Variants in CAMTA1 observed in about 807,000 individuals in gnomAD.
The protein encoded by CAMTA1 is calmodulin-binding transcription activator 1.
CAMTA1 carries 27 observed loss-of-function variants against 170.9 expected under a neutral mutation model. The ratio of observed to expected loss-of-function variants is 0.16; its 90% CI spans 0.12 to 0.22. The LOEUF (loss-of-function observed/expected upper bound fraction) is 0.22, where lower values mean the gene tolerates loss of function less well. Among genes scored for constraint, CAMTA1 ranks in the 10% least tolerant of loss-of-function variants. CAMTA1 has a pLI of 1.00. For missense variants in CAMTA1, 1,619 were observed against 2,217.2 expected (o/e 0.73, Z 5.42); for synonymous variants, 833 against 891.5 (o/e 0.93, Z 1.17).
At chr1:7,309,579 G>A (rs548155173) in intron 5 of CAMTA1, among the ~76,000 whole-genome samples, 5 of 152,176 alleles carry the variant, frequency 3.3e-5, no homozygotes, top group South Asian at 2.1e-4. Flanking sequence ...GATTACAGGC[G>A]TGAGCCGCCG....
chr1:6,834,154 AT>A (rs60264977), intron 3 of CAMTA1, among the ~76,000 whole-genome samples: 4,234 of 136,484 alleles, frequency 0.031, 149 homozygotes, highest in African/African-American at 0.09. Flanking sequence ...TATTTGATTA[AT>A]TTTTTTTTTT....
At chr1:7,015,880 A>C (rs1700458071) in intron 3 of CAMTA1, among the ~76,000 whole-genome samples, 1 of 152,180 alleles carries the variant, frequency 6.6e-6, no homozygotes. Context: ...GGAAGCAGGC[A>C]TGTCCTGCAT....
At chr1:7,714,770 C>A (rs927488344) in intron 11 of CAMTA1, among the ~76,000 whole-genome samples, 4 of 152,170 alleles carry the variant, frequency 2.6e-5, no homozygotes, top group Non-Finnish European at 5.9e-5. Context: ...GATCTTCCCG[C>A]CTCGGCCTCC....
At chr1:7,594,555 G>A (rs1288021334) in intron 6 of CAMTA1, among the ~76,000 whole-genome samples, 1 of 152,214 alleles carries the variant, frequency 6.6e-6, no homozygotes, top group Non-Finnish European at 1.5e-5. Flanking sequence ...GGGCAACATG[G>A]TTGTTTGCAA....
At position 7,685,841 on chromosome 1, in the gene CAMTA1, G is replaced by A. The variant is rs373120071; in HGVS notation, c.2914+8108G>A. 1.5e-4 allele frequency among the ~76,000 whole-genome samples: 23 copies of A among 152,266 alleles called. No individual in the cohort carries two copies. Among genetic ancestry groups the A allele is most frequent in the South Asian group, 4.2e-4 (2 of 4,818 alleles). The stretch of plus-strand genomic sequence containing the variant: ...TAGGTCCCAGACAGGACAAATGGCC[G>A]TTCTTTCTGTTTTCCCCAACCTACC... On this transcript the variant is annotated intron_variant, in intron 11 of 22. Coordinates refer to ENST00000303635, the MANE Select transcript of CAMTA1 (RefSeq NM_015215.4). The surrounding 1 kb of genome is among the most constrained non-coding windows in gnomAD (Gnocchi z 5.7).
chr1:6,855,450 G>A lies in CAMTA1; in HGVS notation c.234+30240G>A, dbSNP rs544646034. On this transcript the variant is annotated intron_variant, in intron 3 of 22. Transcript: ENST00000303635. ...AGGGGAAGCAGGCTTGTCTTACATC[G>A]CCAGAGCAGGAGCAAGAGAGAGAGA... Among the ~76,000 whole-genome samples, 9 of 151,728 alleles carry A rather than the reference G, an allele frequency of 5.9e-5. No individual in the cohort carries two copies. The East Asian group carries it at 1.4e-3, about 23-fold the overall frequency.
intron 4 of CAMTA1, chr1:7,219,502 G>T (rs1217752988): frequency 6.9e-6 from 1 of 145,834 alleles, no homozygotes; most frequent in Non-Finnish European, 1.5e-5. Flanking sequence ...GGTAGTGGGG[G>T]ACTGTGTCTG....
Position 7,570,409 on chromosome 1 carries a change from G to C in CAMTA1, c.511-69991G>C. Among the ~76,000 whole-genome samples, 1 of 152,250 alleles carries C rather than the reference G, an allele frequency of 6.6e-6. No individual in the cohort carries two copies. Among genetic ancestry groups the C allele is most frequent in the Non-Finnish European group, 1.5e-5 (1 of 68,042 alleles). On this transcript the variant is annotated intron_variant, in intron 6 of 22. Coordinates refer to ENST00000303635, the MANE Select transcript of CAMTA1 (RefSeq NM_015215.4). The surrounding 1 kb of genome is among the most constrained non-coding windows in gnomAD (Gnocchi z 4.3). ...GGAAGGGTGGAGGGAGGAAGCACGG[G>C]GAGGAGGAAGCCAGGGGCAAACCCG...
intron 3 of CAMTA1, among the ~76,000 whole-genome samples, chr1:6,941,870 T>C (rs1348985035): frequency 6.6e-6 from 1 of 152,158 alleles, no homozygotes; most frequent in Non-Finnish European, 1.5e-5. Context: ...AGGGCTCTTT[T>C]CCATGACTGC....
In CAMTA1 at chr1:7,604,852, G is replaced by A. The variant is rs184385866; in HGVS notation, c.511-35548G>A. ...TTTGATCATGGTGACGTACAGATGGGGTTTTGGTGTGGATGTCGTTTCTGT... is the reference window on the plus strand; with the variant it reads ...TTTGATCATGGTGACGTACAGATGGAGTTTTGGTGTGGATGTCGTTTCTGT... On this transcript the variant is annotated intron_variant, in intron 6 of 22. Transcript: ENST00000303635. Among the ~76,000 whole-genome samples the A allele has an allele frequency of 1.2e-4, 19 of 152,180 alleles. No homozygotes were observed. The East Asian group carries it at 3.5e-3, about 28-fold the overall frequency.
At chr1:7,607,796 C>T (rs2095497680) in intron 6 of CAMTA1, among the ~76,000 whole-genome samples, 1 of 152,184 alleles carries the variant, frequency 6.6e-6, no homozygotes, top group East Asian at 1.9e-4. Context: ...GTCGTATCTT[C>T]TGTGGATCCA....
intron 5 of CAMTA1, among the ~76,000 whole-genome samples, chr1:7,450,461 TG>T (rs982748017): frequency 2.6e-4 from 40 of 152,268 alleles, no homozygotes; most frequent in African/African-American, 9.1e-4. Flanking sequence ...CCACCTCTGC[TG>T]GAGGGGAGGG....
intron 6 of CAMTA1, among the ~76,000 whole-genome samples, chr1:7,577,057 C>T (rs1175741376): frequency 1.3e-5 from 2 of 152,222 alleles, no homozygotes; most frequent in African/African-American, 4.8e-5. Flanking sequence ...GAGAGTCAAA[C>T]CCAAGGGACT....
At position 7,173,351 on chromosome 1, in the gene CAMTA1, C is replaced by T. The variant is rs74051172; in HGVS notation, c.303-76140C>T. Among the ~76,000 whole-genome samples, 1,323 of 152,224 alleles carry T rather than the reference C, an allele frequency of 8.7e-3. 17 individuals carry two copies. The highest frequency in any genetic ancestry group is 0.031 in the African/African-American group (1,284 of 41,522). On this transcript the variant is annotated intron_variant, in intron 4 of 22. Coordinates refer to ENST00000303635, the MANE Select transcript of CAMTA1 (RefSeq NM_015215.4). The surrounding 1 kb of genome is among the most constrained non-coding windows in gnomAD (Gnocchi z 5.4). ...GACTGAGGCTCCACGAACGCTGGCT[C>T]CCTTCTTAAATTTTTGTGGAACTGT...
intron 6 of CAMTA1, among the ~76,000 whole-genome samples, chr1:7,515,195 C>G (rs1467451747): frequency 6.6e-6 from 1 of 152,142 alleles, no homozygotes; most frequent in African/African-American, 2.4e-5. Context: ...GCTGGTCCTC[C>G]CCGGCTGCCT....
At chr1:7,502,722 A>G (rs2094027777) in intron 6 of CAMTA1, among the ~76,000 whole-genome samples, 4 of 152,154 alleles carry the variant, frequency 2.6e-5, no homozygotes, top group African/African-American at 9.7e-5. Context: ...TGAGCACTGG[A>G]GGGGGATTCA....
rs1201658896 is a variant in CAMTA1, at chr1:7,426,439, G to T, written c.439-41391G>T. Among the ~76,000 whole-genome samples, 5 of 152,294 alleles carry T rather than the reference G, an allele frequency of 3.3e-5. No individual in the cohort carries two copies. Among genetic ancestry groups the T allele is most frequent in the East Asian group, 3.9e-4 (2 of 5,176 alleles). On this transcript the variant is annotated intron_variant, in intron 5 of 22. Transcript: ENST00000303635. This position sits in a 1 kb window ranked among gnomAD's most constrained non-coding sequence, Gnocchi z 4.8. ...TGCCTACCTGGGTTTCCAACTTGCA[G>T]CCCATTATCTATTAATACTAAATAA...
intron 6 of CAMTA1, among the ~76,000 whole-genome samples, chr1:7,549,214 A>G (rs58763866): frequency 0.035 from 4,927 of 142,554 alleles, 256 homozygotes; most frequent in African/African-American, 0.12. Context: ...GTGCCCCCTT[A>G]GGGGTGGAGG....
At chr1:7,317,401 T>C (rs1396541214) in intron 5 of CAMTA1, among the ~76,000 whole-genome samples, 2 of 152,246 alleles carry the variant, frequency 1.3e-5, no homozygotes, top group Non-Finnish European at 2.9e-5. Context: ...TGTGGCTCCC[T>C]GTCCTCATCT....
Sources: allele counts gnomAD v4.1 joint callset (sites outside exome capture counted in the v4.1 genomes callset), GRCh38; gene constraint gnomAD v4.1.1; non-coding constraint Gnocchi (gnomAD v3.1); transcripts MANE v1.5; gene names NCBI Gene and HGNC (gene_info 2026-07-23, HGNC 2026-07-21).